Variants in RNF17 observed in about 807,000 individuals in gnomAD.
RNF17 encodes spermatogenesis associated 23.
Under a neutral mutation model 200.5 loss-of-function variants are expected in RNF17, and 31 were observed. The observed-to-expected ratio is 0.15, with a 90% CI of 0.12 to 0.21. The LOEUF (loss-of-function observed/expected upper bound fraction) is 0.21. RNF17 is among the 10% of genes least tolerant of loss of function. The pLI, the probability that RNF17 is intolerant of heterozygous loss-of-function variation, is 1.00. For missense variants in RNF17, 1,628 were observed against 1,905.1 expected (o/e 0.85, Z 2.71); for synonymous variants, 606 against 637.8 (o/e 0.95, Z 0.75).
chr13:24,853,790 A>G, intron 24 of RNF17, 65 bp from the exon 25 acceptor site: 1 of 1,203,790 alleles, frequency 8.3e-7, no homozygotes, highest in Non-Finnish European at 1.1e-6. Flanking sequence ...GATTCTTTTT[A>G]TGTTGTTTTA....
intron 16 of RNF17, among the ~76,000 whole-genome samples, chr13:24,827,063 GA>G (rs146232027): frequency 0.15 from 22,164 of 147,634 alleles, 1,669 homozygotes; most frequent in African/African-American, 0.17. Flanking sequence ...TCTGTTTCAA[GA>G]AAAAAAAAAG....
At chr13:24,759,221 A>G (rs1245102360), upstream of RNF17, among the ~76,000 whole-genome samples, 5 of 152,208 alleles carry the variant, frequency 3.3e-5, no homozygotes, top group Admixed American at 2.6e-4. Context: ...TGGAGACAGA[A>G]GAGGTCAAGA....
At chr13:24,837,255 TAGAC>T (rs1206549238) in intron 18 of RNF17, among the ~76,000 whole-genome samples, 10 of 152,026 alleles carry the variant, frequency 6.6e-5, no homozygotes, top group African/African-American at 2.2e-4. Flanking sequence ...AGAAATAAGA[TAGAC>T]AGCAACACAA....
upstream of RNF17, among the ~76,000 whole-genome samples, chr13:24,759,934 A>G (rs1878562699): frequency 6.6e-6 from 1 of 152,164 alleles, no homozygotes. Context: ...TGAGGTCAGG[A>G]GTTCGAGACC....
chr13:24,786,887 A>G (rs947316721), intron 6 of RNF17, among the ~76,000 whole-genome samples: 2 of 151,930 alleles, frequency 1.3e-5, no homozygotes, highest in African/African-American at 4.8e-5. Context: ...TTTTGCCATT[A>G]TTTCTTCAAA....
intron 24 of RNF17, among the ~76,000 whole-genome samples, chr13:24,852,391 G>A (rs9507419): frequency 0.13 from 20,090 of 151,978 alleles, 1,495 homozygotes; most frequent in East Asian, 0.28. Flanking sequence ...GCCCGCCTTG[G>A]CCTCCCAAAG....
At chr13:24,821,224 T>C (rs1434854009) in intron 15 of RNF17, among the ~76,000 whole-genome samples, 1 of 152,180 alleles carries the variant, frequency 6.6e-6, no homozygotes, top group African/African-American at 2.4e-5. Flanking sequence ...AAGACATTGA[T>C]CATACTGAAT....
At chr13:24,780,148 CA>C (rs1882151095) in intron 5 of RNF17, among the ~76,000 whole-genome samples, 1 of 152,098 alleles carries the variant, frequency 6.6e-6, no homozygotes, top group South Asian at 2.1e-4. Flanking sequence ...CACCTAGCAA[CA>C]AAATTTACAA....
chr13:24,795,420 G>T (rs970634394), intron 10 of RNF17, among the ~76,000 whole-genome samples: 1 of 145,112 alleles, frequency 6.9e-6, no homozygotes. Flanking sequence ...TGTGGCGGGG[G>T]TGTCTTTTTT....
chr13:24,757,021 T>A, the RNF17 span, among the ~76,000 whole-genome samples: 313 of 150,610 alleles, frequency 2.1e-3, 1 homozygote, highest in African/African-American at 7.2e-3. Flanking sequence ...GTGCTGGAGG[T>A]GAGGGAAGAT....
chr13:24,789,023 G>C (rs1000223588), intron 7 of RNF17, among the ~76,000 whole-genome samples: 10 of 152,068 alleles, frequency 6.6e-5, no homozygotes, highest in Admixed American at 1.3e-4. Flanking sequence ...ATAAAATTTG[G>C]TCTTTATCCT....
chr13:24,799,802 A>G (rs1885023582), intron 12 of RNF17, among the ~76,000 whole-genome samples: 1 of 152,160 alleles, frequency 6.6e-6, no homozygotes, highest in Non-Finnish European at 1.5e-5. Flanking sequence ...AGGAACTCCA[A>G]ACTTAAGTAC....
chr13:24,814,002 A>G (rs79562294), intron 15 of RNF17, among the ~76,000 whole-genome samples: 6,642 of 151,966 alleles, frequency 0.044, 458 homozygotes, highest in African/African-American at 0.15. Context: ...AACTACTAAT[A>G]GCCTACTGTT....
chr13:24,793,021 T>C (rs1423201131), intron 9 of RNF17, 21 bp from the exon 10 acceptor site: 5 of 1,465,894 alleles, frequency 3.4e-6, no homozygotes, highest in Non-Finnish European at 4.7e-6. Context: ...TCATAGCTTA[T>C]ATCTCTGTAT....
At chr13:24,797,745 T>TGTGTG (rs61047281) in intron 11 of RNF17, among the ~76,000 whole-genome samples, 8 of 151,406 alleles carry the variant, frequency 5.3e-5, no homozygotes, top group South Asian at 2.1e-4. Context: ...TGTGTGTGTG[T>TGTGTG]TTACCCTGCA....
Position 24,831,880 on chromosome 13 carries a change from A to C in RNF17, c.2384A>C (p.Tyr795Ser). The C allele has an allele frequency of 1.2e-6, 2 of 1,607,136 alleles. No individual in the cohort carries two copies. The highest frequency in any genetic ancestry group is 1.7e-6 in the Non-Finnish European group (2 of 1,178,132). ...CAGGCAATTAAATGTAAGTTGGCCT[A>C]TATTGAACCATATAAAAGGACAATG... is the stretch of plus-strand genomic sequence containing the variant. Reference protein sequence around the residue: ...PEKAIKCKLAYIEPYKRTMQW... With the variant: ...PEKAIKCKLASIEPYKRTMQW... The change falls in exon 18 of 36, where the codon TAT (tyrosine) becomes TCT (serine). Residue 795 changes from tyrosine to serine, a missense_variant. Transcript: ENST00000255324.
intron 15 of RNF17, among the ~76,000 whole-genome samples, chr13:24,816,705 T>G (rs1281218691): frequency 6.6e-6 from 1 of 152,178 alleles, no homozygotes; most frequent in African/African-American, 2.4e-5. Flanking sequence ...CATACCTAAC[T>G]TTCCTCCCAG....
At chr13:24,874,396 T>G in intron 33 of RNF17, 147 bp downstream of exon 33, 1 of 563,670 alleles carries the variant, frequency 1.8e-6, no homozygotes, top group Non-Finnish European at 2.8e-6. Context: ...AAAGTATACA[T>G]AAAATTTACC....
In RNF17 at chr13:24,792,717, A is replaced by T. The variant is rs564276047; in HGVS notation, c.936-325A>T. ...GTTGGCTTTGTTGATCGTTATTTCCACAGTGGCTTCTTAAACACTGATCTG... is the reference window on the plus strand; with the variant it reads ...GTTGGCTTTGTTGATCGTTATTTCCTCAGTGGCTTCTTAAACACTGATCTG... On this transcript the variant is annotated intron_variant, in intron 9 of 35. Coordinates refer to ENST00000255324, the MANE Select transcript of RNF17 (RefSeq NM_031277.3). 2.6e-3 allele frequency among the ~76,000 whole-genome samples: 390 copies of T among 152,318 alleles called. 6 individuals carry two copies. The highest frequency in any genetic ancestry group is 9.3e-3 in the African/African-American group (386 of 41,570).
Sources: gnomAD v4.1 joint callset for allele counts (sites outside exome capture counted in the v4.1 genomes callset) on GRCh38, gnomAD v4.1.1 for gene constraint, MANE v1.5 for transcripts, NCBI Gene and HGNC (gene_info 2026-07-23, HGNC 2026-07-21) for gene names.